The following TDRD5 variants were observed in gnomAD, a reference collection of about 807,000 sequenced individuals.
TDRD5 encodes the protein tudor domain-containing protein 5.
TDRD5 carries 41 observed loss-of-function variants against 120.6 expected under a neutral mutation model. That is an observed-to-expected ratio of 0.34 (90% CI 0.26 to 0.44). TDRD5 has a LOEUF of 0.44. Ranked by LOEUF, TDRD5 falls within the 20% of genes least tolerant of loss-of-function variation. The pLI is 1.00. For missense variants in TDRD5, 1,006 were observed against 1,221.2 expected (o/e 0.82, Z 2.63); for synonymous variants, 430 against 433.7 (o/e 0.99, Z 0.11).
intron 4 of TDRD5, among the ~76,000 whole-genome samples, chr1:179,598,838 C>CTT (rs1448915483): frequency 1.3e-5 from 2 of 152,002 alleles, no homozygotes; most frequent in Non-Finnish European, 2.9e-5. Flanking sequence ...GTTTTACTTC[C>CTT]TCCTTTTCAA....
chr1:179,654,132 T>A (rs1678865798), intron 13 of TDRD5, 69 bp from the exon 14 acceptor site: 2 of 1,313,716 alleles, frequency 1.5e-6, no homozygotes, highest in Admixed American at 2.8e-5. Flanking sequence ...CCCCAAAATG[T>A]ATAGGCATGT....
At chr1:179,666,013 T>G (rs1679537979) in intron 16 of TDRD5, among the ~76,000 whole-genome samples, 1 of 152,286 alleles carries the variant, frequency 6.6e-6, no homozygotes, top group East Asian at 1.9e-4. Flanking sequence ...CATTCCAAAT[T>G]TTTTTAATCC....
At chr1:179,597,713 T>C (rs55635521) in intron 4 of TDRD5, among the ~76,000 whole-genome samples, 50,450 of 152,110 alleles carry the variant, frequency 0.33, 8,600 homozygotes, top group Admixed American at 0.42. Context: ...TGAAGTTTTA[T>C]GTTTTCAGTT....
chr1:179,621,121 T>A (rs1206085125), intron 6 of TDRD5, 30 bp downstream of exon 6: 4 of 1,574,542 alleles, frequency 2.5e-6, no homozygotes, highest in African/African-American at 2.8e-5. Context: ...CCAACCCTAA[T>A]TTTTTATGGC....
chr1:179,656,565 T>TCCAG, intron 14 of TDRD5, among the ~76,000 whole-genome samples: 1 of 152,348 alleles, frequency 6.6e-6, no homozygotes, highest in East Asian at 1.9e-4. Context: ...GTCCAACTGA[T>TCCAG]CCAGCATCCT....
At chr1:179,620,952 T>G in intron 5 of TDRD5, 83 bp from the exon 6 acceptor site, 7 of 1,087,126 alleles carry the variant, frequency 6.4e-6, no homozygotes, top group South Asian at 1.6e-5. Context: ...TTTGCCTTTG[T>G]TGTTATTTGT....
chr1:179,616,554 A>G (rs1572350542), intron 4 of TDRD5, among the ~76,000 whole-genome samples: 2 of 152,270 alleles, frequency 1.3e-5, no homozygotes, highest in South Asian at 4.1e-4. Flanking sequence ...AATCTCTAGT[A>G]TCAGTATCTC....
intron 6 of TDRD5, among the ~76,000 whole-genome samples, chr1:179,626,160 A>G (rs894671192): frequency 4.6e-5 from 7 of 152,092 alleles, no homozygotes; most frequent in African/African-American, 1.4e-4. Flanking sequence ...ACATGTATAC[A>G]TATGTAACTA....
At chr1:179,619,994 C>T (rs895557645) in intron 5 of TDRD5, among the ~76,000 whole-genome samples, 5 of 152,138 alleles carry the variant, frequency 3.3e-5, no homozygotes, top group Non-Finnish European at 7.4e-5. Flanking sequence ...ATTCTCCAAA[C>T]TAGGGATGTC....
At chr1:179,659,576 T>A (rs1446480602) in intron 14 of TDRD5, among the ~76,000 whole-genome samples, 4 of 142,980 alleles carry the variant, frequency 2.8e-5, no homozygotes, top group African/African-American at 1.0e-4. Context: ...TGTGTGTGTG[T>A]GTGTGTGTGT....
At chr1:179,690,188 C>T (rs1681057258) in intron 17 of TDRD5, among the ~76,000 whole-genome samples, 1 of 152,188 alleles carries the variant, frequency 6.6e-6, no homozygotes, top group East Asian at 1.9e-4. Flanking sequence ...ATTCAGCCAT[C>T]TTAGAACCTC....
intron 4 of TDRD5, among the ~76,000 whole-genome samples, chr1:179,598,942 G>C (rs1029483994): frequency 6.6e-6 from 1 of 151,888 alleles, no homozygotes. Context: ...ATCTTGACTT[G>C]TTCCTAACTA....
intron 11 of TDRD5, among the ~76,000 whole-genome samples, chr1:179,646,207 T>G: frequency 6.6e-6 from 1 of 152,222 alleles, no homozygotes; most frequent in East Asian, 1.9e-4. Flanking sequence ...TTTTAATGAT[T>G]ACTCTAGGAA....
At chr1:179,684,818 A>G (rs1680611940) in intron 17 of TDRD5, among the ~76,000 whole-genome samples, 1 of 152,170 alleles carries the variant, frequency 6.6e-6, no homozygotes, top group African/African-American at 2.4e-5. Flanking sequence ...ACATTTTTTC[A>G]TGTGTCTGTT....
intron 17 of TDRD5, among the ~76,000 whole-genome samples, chr1:179,680,224 T>C (rs1054749380): frequency 6.6e-6 from 1 of 152,206 alleles, no homozygotes; most frequent in Non-Finnish European, 1.5e-5. Flanking sequence ...TACAGTATGC[T>C]CTATTTTTGT....
At chr1:179,654,570 G>C (rs1228824922) in intron 14 of TDRD5, among the ~76,000 whole-genome samples, 1 of 152,062 alleles carries the variant, frequency 6.6e-6, no homozygotes, top group Non-Finnish European at 1.5e-5. Context: ...TTCAAGACCA[G>C]CGTGGTCAAC....
intron 3 of TDRD5, among the ~76,000 whole-genome samples, chr1:179,594,720 G>A (rs1236273596): frequency 6.6e-6 from 1 of 152,248 alleles, no homozygotes; most frequent in African/African-American, 2.4e-5. Context: ...CCAAGAGGAT[G>A]TGTCACAAGT....
At chr1:179,663,283 GTTA>G in intron 15 of TDRD5, 62 bp from the exon 16 acceptor site, 1 of 1,520,612 alleles carries the variant, frequency 6.6e-7, no homozygotes, top group Non-Finnish European at 8.8e-7. Context: ...TCTTGCCCAA[GTTA>G]TCCTCTTTTT....
chr1:179,682,074 C>T (rs1680453834), intron 17 of TDRD5, among the ~76,000 whole-genome samples: 1 of 144,884 alleles, frequency 6.9e-6, no homozygotes, highest in Non-Finnish European at 1.5e-5. Context: ...TTTTAATATC[C>T]ATGTCTTATG....
Sources: allele counts gnomAD v4.1 joint callset (sites outside exome capture counted in the v4.1 genomes callset), GRCh38; gene constraint gnomAD v4.1.1; transcripts MANE v1.5; gene names NCBI Gene and HGNC (gene_info 2026-07-23, HGNC 2026-07-21).